Variants in MMP24 observed in about 807,000 individuals in gnomAD.
MMP24 encodes matrix metalloproteinase-24.
MMP24 carries 25 observed loss-of-function variants against 62.8 expected under a neutral mutation model. The ratio of observed to expected loss-of-function variants is 0.40; its 90% CI spans 0.29 to 0.56. The LOEUF is 0.56. MMP24 is among the 20% of genes least tolerant of loss of function. The pLI, the probability that MMP24 is intolerant of heterozygous loss-of-function variation, is 0.50. For synonymous variants in MMP24, 319 were observed against 350.5 expected, an observed-to-expected ratio of 0.91 and a Z score of 1.00; for missense variants, 634 against 853.6, an observed-to-expected ratio of 0.74 and a Z score of 3.21.
chr20:35,264,030 C>G, intron 5 of MMP24, 78 bp downstream of exon 5: 1 of 1,434,450 alleles, frequency 7.0e-7, no homozygotes, highest in Non-Finnish European at 9.4e-7. Context: ...GGGCAGGGGA[C>G]GAGGGAGGGG....
In MMP24 at chr20:35,267,225, G is replaced by A; in HGVS notation, c.1000G>A (p.Glu334Lys). The change falls in exon 6 of 9, where the codon GAG becomes AAG. Residue 334 changes from glutamate to lysine, a missense_variant. Physicochemically the swap from Glu to Lys is moderately conservative, Grantham distance 56. Transcript: ENST00000246186. The stretch of plus-strand genomic sequence containing the variant: ...TCCAGGACCCCCAGCCGAGCCTCTG[G>A]AGCCCACAAGGCCACTCCCTACACT... ...KIYGPPAEPL[E>K]PTRPLPTLPV... is the part of the protein sequence containing the mutation. 6.2e-7 allele frequency: 1 copy of A among 1,600,388 alleles called. No individual in the cohort carries two copies. The highest frequency in any genetic ancestry group is 2.3e-5 in the East Asian group (1 of 43,934).
intron 8 of MMP24, chr20:35,272,245 A>C: frequency 2.3e-6 from 1 of 428,286 alleles, no homozygotes; most frequent in Non-Finnish European, 4.1e-6. Flanking sequence ...ATTTTTTTTT[A>C]AATTCTAAGA....
intron 1 of MMP24, among the ~76,000 whole-genome samples, chr20:35,242,604 AGC>A (rs2060494185): frequency 2.0e-5 from 3 of 152,218 alleles, no homozygotes; most frequent in Non-Finnish European, 4.4e-5. Flanking sequence ...ATTTTCCTCA[AGC>A]TAAAGCCTAA....
chr20:35,276,550 A>T lies in MMP24; in HGVS notation c.*1941A>T. On this transcript the variant is annotated 3_prime_UTR_variant, in exon 9 of 9. Transcript: ENST00000246186. ...GGACCCCTCTAGGGTCTGAGATGAG[A>T]TGAGAAGTGTCTCCTGTATCCACCT... 8.2e-6 allele frequency: 3 copies of T among 363,842 alleles called. No individual in the cohort carries two copies. The highest frequency in any genetic ancestry group is 1.5e-5 in the Non-Finnish European group (3 of 203,822). 22.5% of individuals were successfully genotyped at this position (363,842 alleles called of 1,614,324 possible). A position where few individuals can be genotyped will look rare whatever the true frequency, so the allele number is the denominator to read the frequency against.
intron 3 of MMP24, among the ~76,000 whole-genome samples, chr20:35,253,868 G>GTTTTTTTTTTTT (rs11474068): frequency 7.7e-6 from 1 of 130,082 alleles, no homozygotes; most frequent in African/African-American, 3.0e-5. Context: ...TTTCCTTTGG[G>GTTTTTTTTTTTT]TTTTTTTTTT....
At chr20:35,261,626 C>G (rs1323787950) in intron 4 of MMP24, among the ~76,000 whole-genome samples, 6 of 152,096 alleles carry the variant, frequency 3.9e-5, no homozygotes, top group African/African-American at 1.4e-4. Context: ...ACACTTGAAT[C>G]CCTGCCTCAA....
chr20:35,252,046 C>T (rs1273922369), intron 3 of MMP24, 25 bp downstream of exon 3: 5 of 1,565,232 alleles, frequency 3.2e-6, no homozygotes, highest in African/African-American at 2.7e-5. Flanking sequence ...CCTCTTCCTC[C>T]CTGCCTTTGG....
At chr20:35,265,582 A>G (rs2060628597) in intron 5 of MMP24, among the ~76,000 whole-genome samples, 1 of 152,136 alleles carries the variant, frequency 6.6e-6, no homozygotes, top group Admixed American at 6.5e-5. Flanking sequence ...ATGAAATTTA[A>G]ATTTATATTT....
chr20:35,268,305 T>C (rs1245069559), intron 6 of MMP24, among the ~76,000 whole-genome samples: 1 of 152,232 alleles, frequency 6.6e-6, no homozygotes, highest in Non-Finnish European at 1.5e-5. Context: ...CTGGCCACAC[T>C]GCTGGCCACT....
At chr20:35,227,320 T>G (rs556120724) in intron 1 of MMP24, among the ~76,000 whole-genome samples, 66 of 150,458 alleles carry the variant, frequency 4.4e-4, no homozygotes, top group African/African-American at 1.5e-3. Context: ...TCGGAGTAAA[T>G]AGTAAGCGCA....
intron 1 of MMP24, among the ~76,000 whole-genome samples, chr20:35,230,800 T>C (rs1392108931): frequency 3.3e-5 from 5 of 152,264 alleles, no homozygotes; most frequent in Admixed American, 1.3e-4. Flanking sequence ...TCGGAACTAC[T>C]GTAGAACTTT....
At chr20:35,236,750 G>A (rs1157890783) in intron 1 of MMP24, among the ~76,000 whole-genome samples, 1 of 152,056 alleles carries the variant, frequency 6.6e-6, no homozygotes, top group Non-Finnish European at 1.5e-5. Context: ...GAGGTGAGTG[G>A]ACCACCTAAG....
chr20:35,252,105 T>G (rs1454036644), intron 3 of MMP24, 84 bp downstream of exon 3: 1 of 1,114,014 alleles, frequency 9.0e-7, no homozygotes, highest in Non-Finnish European at 1.4e-6. Flanking sequence ...AGGCTCACAA[T>G]GTAGGGGGGC....
chr20:35,254,882 T>A, intron 4 of MMP24, 128 bp downstream of exon 4: 1 of 1,063,944 alleles, frequency 9.4e-7, no homozygotes, highest in Non-Finnish European at 1.3e-6. Context: ...CGTAAGAGGG[T>A]GGGAACTGTG....
chr20:35,227,501 G>A (rs1040943888), intron 1 of MMP24, among the ~76,000 whole-genome samples: 8 of 151,984 alleles, frequency 5.3e-5, no homozygotes, highest in African/African-American at 1.7e-4. Context: ...TAGGGCCAGC[G>A]GGAGTGGGGG....
At chr20:35,251,116 C>CTTTT (rs59317276) in intron 2 of MMP24, among the ~76,000 whole-genome samples, 1 of 138,816 alleles carries the variant, frequency 7.2e-6, no homozygotes, top group African/African-American at 2.7e-5. Flanking sequence ...TAAGCCACTT[C>CTTTT]TTTTTTTTTT....
In MMP24 at chr20:35,266,940, C is replaced by T. The variant is rs12106107; in HGVS notation, c.980-265C>T. Among the ~76,000 whole-genome samples the T allele has an allele frequency of 4.7e-3, 709 of 152,074 alleles. 4 individuals are homozygous for T. Among genetic ancestry groups the T allele is most frequent in the African/African-American group, 0.016 (679 of 41,460 alleles). ...AAAGAGGGTATGGCCTAAGGAAGAG[C>T]GCTGACCCTAAGGAAGGACATGATT... On this transcript the variant is annotated intron_variant, in intron 5 of 8. Transcript: ENST00000246186.
At chr20:35,235,422 G>A (rs568399936) in intron 1 of MMP24, among the ~76,000 whole-genome samples, 3 of 152,034 alleles carry the variant, frequency 2.0e-5, no homozygotes, top group African/African-American at 4.8e-5. Context: ...TAGGCCAGGT[G>A]CAGTGGCTCA....
intron 1 of MMP24, among the ~76,000 whole-genome samples, chr20:35,228,351 T>C (rs377556836): frequency 9.3e-4 from 142 of 152,358 alleles, no homozygotes; most frequent in African/African-American, 3.3e-3. Flanking sequence ...AAAGATTTTA[T>C]AATTGCTGGT....
Sources: gnomAD v4.1 joint callset for allele counts (sites outside exome capture counted in the v4.1 genomes callset) on GRCh38, gnomAD v4.1.1 for gene constraint, MANE v1.5 for transcripts, NCBI Gene and HGNC (gene_info 2026-07-23, HGNC 2026-07-21) for gene names.